Variants in GPR160 observed in about 807,000 individuals in gnomAD.
The protein encoded by GPR160 is probable G protein-coupled receptor 160.
A neutral mutation model predicts 2.6 loss-of-function variants in GPR160; 2 were observed. That is an observed-to-expected ratio of 0.77 (90% CI 0.32 to 2.44). GPR160 has a LOEUF of 2.44. Among genes scored for constraint, GPR160 ranks in the 30% most tolerant of loss-of-function variants. GPR160 has a pLI of 0.11. For synonymous variants in GPR160, 130 were observed against 132.2 expected (o/e 0.98, Z 0.12); for missense variants, 351 against 383.6 (o/e 0.91, Z 0.71).
At chr3:170,062,960 C>T in intron 2 of GPR160, 1 of 298,916 alleles carries the variant, frequency 3.3e-6, no homozygotes, top group Non-Finnish European at 6.4e-6. Flanking sequence ...CGCCACGGGA[C>T]CCCTCCATGG....
chr3:170,053,802 T>C (rs1711511775), intron 2 of GPR160, among the ~76,000 whole-genome samples: 2 of 152,266 alleles, frequency 1.3e-5, no homozygotes, highest in Non-Finnish European at 2.9e-5. Flanking sequence ...TCATGAATGG[T>C]TGTTGAATTT....
chr3:170,054,458 T>C (rs1267113764), intron 2 of GPR160, among the ~76,000 whole-genome samples: 4 of 152,214 alleles, frequency 2.6e-5, no homozygotes, highest in Admixed American at 2.6e-4. Flanking sequence ...CAAATCATTA[T>C]AGTAAAATAT....
rs1394734414 is a variant in GPR160, at chr3:170,084,617, C to T, written c.645C>T (p.Ser215=). The stretch of plus-strand genomic sequence containing the variant: ...TGGTACAGGCTATCAGGATAACTTC[C>T]TATATGAATGAAACTATCTTATATT... ...TTLVQAIRIT[S]YMNETILYFP... is the part of the protein sequence containing the mutation. Residue 215 remains serine (S), a synonymous_variant, in exon 4 of 4, where the codon TCC becomes TCT. Coordinates refer to ENST00000355897, the MANE Select transcript of GPR160 (RefSeq NM_014373.3). 1 of 1,611,946 alleles carries T rather than the reference C, an allele frequency of 6.2e-7. No individual in the cohort carries two copies. Among genetic ancestry groups the T allele is most frequent in the Non-Finnish European group, 8.5e-7 (1 of 1,178,130 alleles).
At chr3:170,066,386 G>A (rs1324157362) in intron 2 of GPR160, among the ~76,000 whole-genome samples, 1 of 151,816 alleles carries the variant, frequency 6.6e-6, no homozygotes, top group East Asian at 1.9e-4. Flanking sequence ...TGATTCGCCC[G>A]CCTCGGCCTC....
chr3:170,060,935 C>A (rs964262853), intron 2 of GPR160, among the ~76,000 whole-genome samples: 2 of 151,982 alleles, frequency 1.3e-5, no homozygotes, highest in African/African-American at 2.4e-5. Flanking sequence ...TTAGACAAAT[C>A]GAGATTATGT....
At chr3:170,063,815 C>G (rs1712131167) in intron 2 of GPR160, among the ~76,000 whole-genome samples, 1 of 152,098 alleles carries the variant, frequency 6.6e-6, no homozygotes, top group South Asian at 2.1e-4. Flanking sequence ...CCCGTGCTTT[C>G]TCGAAAGCTT....
At chr3:170,069,463 G>T (rs906833164) in intron 2 of GPR160, among the ~76,000 whole-genome samples, 3 of 152,136 alleles carry the variant, frequency 2.0e-5, no homozygotes, top group African/African-American at 7.2e-5. Context: ...GAGCCTGAGG[G>T]TCTATGTGAA....
At chr3:170,081,150 C>T (rs1368883634) in intron 3 of GPR160, among the ~76,000 whole-genome samples, 4 of 152,118 alleles carry the variant, frequency 2.6e-5, no homozygotes, top group African/African-American at 9.7e-5. Flanking sequence ...CATTTTAAAC[C>T]AACATTGGTT....
intron 2 of GPR160, among the ~76,000 whole-genome samples, chr3:170,076,143 G>A (rs924356684): frequency 2.0e-5 from 3 of 152,162 alleles, no homozygotes; most frequent in East Asian, 1.9e-4. Context: ...GCTAGACAGC[G>A]CTGGGCAGAG....
At chr3:170,045,895 C>T (rs1224087796) in intron 2 of GPR160, among the ~76,000 whole-genome samples, 2 of 152,168 alleles carry the variant, frequency 1.3e-5, no homozygotes, top group African/African-American at 2.4e-5. Flanking sequence ...TTTTTTAAAA[C>T]CTCTTTGTAC....
Position 170,038,041 on chromosome 3 carries a change from G to A in GPR160, c.-496G>A, listed in dbSNP as rs1479728365. The A allele has an allele frequency of 3.3e-5, 5 of 152,656 alleles. No homozygotes were observed. The highest frequency in any genetic ancestry group is 5.9e-5 in the Non-Finnish European group (4 of 68,026). 9.5% of individuals were successfully genotyped at this position (152,656 alleles called of 1,614,324 possible). ...GCTGAGCCACAGCAGGGTCGCCGCG[G>A]GGTCCCGGGGCCGTGCTCCCCTGCC... On this transcript the variant is annotated 5_prime_UTR_variant, in exon 1 of 4. Coordinates refer to ENST00000355897, the MANE Select transcript of GPR160 (RefSeq NM_014373.3). This position sits in a 1 kb window ranked among gnomAD's most constrained non-coding sequence, Gnocchi z 5.3.
chr3:170,070,645 G>T (rs1040495557), intron 2 of GPR160, among the ~76,000 whole-genome samples: 1 of 152,204 alleles, frequency 6.6e-6, no homozygotes, highest in East Asian at 1.9e-4. Flanking sequence ...CAGTACTTAA[G>T]TTTAACAACT....
chr3:170,067,563 T>TC (rs1262569658), intron 2 of GPR160, among the ~76,000 whole-genome samples: 4 of 152,008 alleles, frequency 2.6e-5, no homozygotes, highest in African/African-American at 4.8e-5. Context: ...TGACCCCCAT[T>TC]CCCATGTCAC....
In GPR160 at chr3:170,063,800, T is replaced by C. The variant is rs1225791690; in HGVS notation, c.-192-15974T>C. 3.3e-5 allele frequency among the ~76,000 whole-genome samples: 5 copies of C among 152,264 alleles called. No individual in the cohort carries two copies. The East Asian group carries it at 7.7e-4, about 24-fold the overall frequency. On this transcript the variant is annotated intron_variant, in intron 2 of 3. Transcript: ENST00000355897. ...TTTAAAAGATTGGGCAGTAAGCTTG[T>C]CTTCCCCGTGCTTTCTCGAAAGCTT...
Position 170,084,283 on chromosome 3 carries a change from C to T in GPR160, c.311C>T (p.Thr104Ile). 6.2e-7 allele frequency: 1 copy of T among 1,608,918 alleles called. No homozygotes were observed. ...ICLFTQIISF[T>I]YGFLHYPVFL... ...CTATTTACTCAAATTATTTCCTTTA[C>T]TTATGGCTTTTTGCATTATCCAGTT... The change falls in exon 4 of 4, where the codon ACT becomes ATT. Residue 104 changes from threonine (T) to isoleucine (I), a missense_variant. Physicochemically the swap from Thr to Ile is moderately conservative, Grantham distance 89 (BLOSUM62 -1). Coordinates refer to ENST00000355897, the MANE Select transcript of GPR160 (RefSeq NM_014373.3).
chr3:170,065,948 G>C (rs1576904963), intron 2 of GPR160, among the ~76,000 whole-genome samples: 1 of 151,380 alleles, frequency 6.6e-6, no homozygotes, highest in East Asian at 1.9e-4. Flanking sequence ...TAAGAGATGG[G>C]GTCTCGCTAT....
At chr3:170,083,318 T>TAAAC (rs1182890277) in intron 3 of GPR160, 1 of 152,216 alleles carries the variant, frequency 6.6e-6, no homozygotes, top group African/African-American at 2.4e-5. Context: ...ATCCAGAAGA[T>TAAAC]AAACACTTTT....
intron 2 of GPR160, among the ~76,000 whole-genome samples, chr3:170,069,885 C>T (rs538177954): frequency 1.1e-4 from 17 of 152,108 alleles, no homozygotes; most frequent in African/African-American, 3.1e-4. Context: ...AGGGTGAGAT[C>T]GAGGTGTCCC....
intron 2 of GPR160, among the ~76,000 whole-genome samples, chr3:170,050,302 G>T (rs1716904186): frequency 6.6e-6 from 1 of 151,714 alleles, no homozygotes; most frequent in African/African-American, 2.4e-5. Context: ...GGAGTGCACT[G>T]GTGCGATCTC....
Sources: allele counts gnomAD v4.1 joint callset (sites outside exome capture counted in the v4.1 genomes callset), GRCh38; gene constraint gnomAD v4.1.1; non-coding constraint Gnocchi (gnomAD v3.1); transcripts MANE v1.5; gene names NCBI Gene and HGNC (gene_info 2026-07-23, HGNC 2026-07-21).